Variants in SHISA9 observed in about 807,000 individuals in gnomAD.
The protein encoded by SHISA9 is protein shisa-9.
A neutral mutation model predicts 38.0 loss-of-function variants in SHISA9; 13 were observed. That is an observed-to-expected ratio of 0.34 (90% CI 0.22 to 0.54). The LOEUF is 0.54. Ranked by LOEUF, SHISA9 falls within the 20% of genes least tolerant of loss-of-function variation. SHISA9 has a pLI of 0.91. For missense variants in SHISA9, 538 were observed against 575.8 expected, an observed-to-expected ratio of 0.93 and a Z score of 0.67; for synonymous variants, 275 against 242.0, an observed-to-expected ratio of 1.14 and a Z score of -1.27.
the SHISA9 span, among the ~76,000 whole-genome samples, chr16:13,545,847 T>A: frequency 2.0e-5 from 3 of 152,294 alleles, no homozygotes; most frequent in South Asian, 4.1e-4. Flanking sequence ...TCAGAGCAGC[T>A]CATTCAATGG....
chr16:13,344,494 C>G, the SHISA9 span, among the ~76,000 whole-genome samples: 1 of 147,586 alleles, frequency 6.8e-6, no homozygotes, highest in Non-Finnish European at 1.5e-5. Context: ...AAAGCTGTGG[C>G]AGAATTCAAA....
chr16:13,372,272 T>C, the SHISA9 span, among the ~76,000 whole-genome samples: 1 of 152,166 alleles, frequency 6.6e-6, no homozygotes, highest in Non-Finnish European at 1.5e-5. Context: ...AAGTCCAACA[T>C]TTTCCATTCA....
intron 2 of SHISA9, among the ~76,000 whole-genome samples, chr16:12,940,011 A>G (rs1012170770): frequency 3.9e-5 from 6 of 152,152 alleles, no homozygotes; most frequent in Non-Finnish European, 8.8e-5. Flanking sequence ...TTATCCAACC[A>G]ACGAATTCTT....
chr16:13,510,977 C>T, the SHISA9 span, among the ~76,000 whole-genome samples: 1 of 152,080 alleles, frequency 6.6e-6, no homozygotes, highest in South Asian at 2.1e-4. Context: ...CTGCTTAGGC[C>T]GATTACCATT....
chr16:13,438,804 A>G, the SHISA9 span, among the ~76,000 whole-genome samples: 2 of 152,186 alleles, frequency 1.3e-5, no homozygotes, highest in Admixed American at 1.3e-4. Context: ...AATAATTGGG[A>G]TTAGTTAGCC....
chr16:13,203,511 G>A lies in SHISA9; in HGVS notation c.809G>A (p.Gly270Glu), dbSNP rs900500761. Residue 270 changes from glycine to glutamate, a missense_variant, in exon 3 of 5, where the codon GGA becomes GAA. Gly to Glu is a moderately conservative substitution (Grantham distance 98). This residue lies in a region of SHISA9 where 326 missense variants were observed against 305.9 expected (regional missense o/e 1.07). Coordinates refer to ENST00000558583, the MANE Select transcript of SHISA9 (RefSeq NM_001145204.3). Reference sequence around the variant, plus strand: ...AACCCCTATGAACAGCAGCCACCAGGAAAAGAGCTCAACAAGTACGCCTCC... The same window carrying A: ...AACCCCTATGAACAGCAGCCACCAGAAAAAGAGCTCAACAAGTACGCCTCC... ...ISNPYEQQPP[G>E]KELNKYASLK... 21 of 1,547,090 alleles carry A rather than the reference G, an allele frequency of 1.4e-5. No homozygotes were observed. The highest frequency in any genetic ancestry group is 1.3e-4 in the South Asian group (11 of 83,438).
the SHISA9 span, among the ~76,000 whole-genome samples, chr16:13,422,317 A>G: frequency 2.6e-5 from 4 of 152,156 alleles, no homozygotes; most frequent in East Asian, 7.7e-4. Context: ...ATTTTTGAAT[A>G]CCTTCAACAT....
chr16:13,494,930 G>C, the SHISA9 span, among the ~76,000 whole-genome samples: 1 of 152,180 alleles, frequency 6.6e-6, no homozygotes, highest in Non-Finnish European at 1.5e-5. Context: ...GCAACACCCT[G>C]CATGAATGTC....
At chr16:13,314,843 T>A in the SHISA9 span, among the ~76,000 whole-genome samples, 2 of 152,184 alleles carry the variant, frequency 1.3e-5, no homozygotes, top group African/African-American at 4.8e-5. Context: ...AATGGGGAGT[T>A]GTTCAATTGG....
At chr16:13,381,104 A>G in the SHISA9 span, among the ~76,000 whole-genome samples, 81 of 152,166 alleles carry the variant, frequency 5.3e-4, no homozygotes, top group Admixed American at 2.0e-3. Context: ...AGTCTTTGCT[A>G]TAGAAATAAT....
chr16:13,224,730 A>G (rs970324813), intron 4 of SHISA9, among the ~76,000 whole-genome samples: 3 of 152,218 alleles, frequency 2.0e-5, no homozygotes, highest in Admixed American at 6.5e-5. Context: ...ACATATTAAA[A>G]TAGGGATAGG....
intron 2 of SHISA9, among the ~76,000 whole-genome samples, chr16:13,172,871 T>C (rs116428802): frequency 4.3e-4 from 66 of 152,114 alleles, no homozygotes; most frequent in African/African-American, 1.5e-3. Flanking sequence ...TGTATTTTGC[T>C]TGTCACCTAA....
chr16:13,293,413 G>C, the SHISA9 span, among the ~76,000 whole-genome samples: 1 of 152,140 alleles, frequency 6.6e-6, no homozygotes, highest in Non-Finnish European at 1.5e-5. Context: ...TGGCAGAATC[G>C]TGCAGTGGTT....
chr16:13,149,924 CA>C (rs577323308), intron 2 of SHISA9, among the ~76,000 whole-genome samples: 1 of 89,368 alleles, frequency 1.1e-5, no homozygotes. Flanking sequence ...TACTCCATCT[CA>C]AAAAAAAGAA....
chr16:13,143,177 T>C (rs2141997954), intron 2 of SHISA9, among the ~76,000 whole-genome samples: 1 of 151,834 alleles, frequency 6.6e-6, no homozygotes, highest in South Asian at 2.1e-4. Flanking sequence ...GGCTAACTAT[T>C]TTTTGTATTT....
chr16:13,247,082 C>T, the SHISA9 span, among the ~76,000 whole-genome samples: 1 of 152,004 alleles, frequency 6.6e-6, no homozygotes, highest in East Asian at 1.9e-4. Flanking sequence ...AACTAACAAT[C>T]ATGGCGGAAG....
chr16:13,325,588 C>T, the SHISA9 span, among the ~76,000 whole-genome samples: 4 of 152,282 alleles, frequency 2.6e-5, no homozygotes, highest in South Asian at 8.3e-4. Flanking sequence ...TGAGAAGTTG[C>T]ACAATCTGCC....
At chr16:12,976,348 C>A (rs766034401) in intron 2 of SHISA9, among the ~76,000 whole-genome samples, 2 of 152,130 alleles carry the variant, frequency 1.3e-5, no homozygotes, top group Non-Finnish European at 2.9e-5. Flanking sequence ...GCCTCAGCCT[C>A]CCAAAGCGTT....
chr16:12,905,254 C>T (rs1474197822), intron 1 of SHISA9, among the ~76,000 whole-genome samples: 2 of 152,102 alleles, frequency 1.3e-5, no homozygotes, highest in Non-Finnish European at 2.9e-5. Context: ...GGTGCTGTGT[C>T]CAAGATCACA....
Sources: allele counts gnomAD v4.1 joint callset (sites outside exome capture counted in the v4.1 genomes callset), GRCh38; gene constraint gnomAD v4.1.1; regional missense constraint gnomAD v4.1.1; transcripts MANE v1.5; gene names NCBI Gene and HGNC (gene_info 2026-07-23, HGNC 2026-07-21).